EFCAB11: variants seen among roughly 807,000 people sequenced by gnomAD.
EFCAB11 encodes EF-hand calcium binding domain 11.
Under a neutral mutation model 23.0 loss-of-function variants are expected in EFCAB11, and 14 were observed. That is an observed-to-expected ratio of 0.61 (90% confidence interval 0.40 to 0.95). EFCAB11 has a LOEUF of 0.95. Ranked by LOEUF, EFCAB11 falls within the 40% of genes least tolerant of loss-of-function variation. The pLI, the probability that EFCAB11 is intolerant of heterozygous loss-of-function variation, is 0.00. For missense variants in EFCAB11, 198 were observed against 195.8 expected, an observed-to-expected ratio of 1.01 and a Z score of -0.07; for synonymous variants, 65 against 66.6, an observed-to-expected ratio of 0.98 and a Z score of 0.11.
At chr14:89,914,821 A>T (rs1034304307) in intron 5 of EFCAB11, among the ~76,000 whole-genome samples, 6 of 152,058 alleles carry the variant, frequency 3.9e-5, no homozygotes, top group African/African-American at 1.4e-4. Context: ...ACAGTTATGA[A>T]ATATGTAGGG....
At chr14:89,887,473 A>G (rs570871470) in intron 5 of EFCAB11, among the ~76,000 whole-genome samples, 1 of 152,348 alleles carries the variant, frequency 6.6e-6, no homozygotes, top group African/African-American at 2.4e-5. Context: ...TTAAAAAGTA[A>G]AACTAGAAAT....
At chr14:89,878,561 T>C (rs1017933733) in intron 5 of EFCAB11, among the ~76,000 whole-genome samples, 8 of 152,212 alleles carry the variant, frequency 5.3e-5, no homozygotes, top group African/African-American at 1.9e-4. Flanking sequence ...ATTTGTTTTA[T>C]CATACTGTAT....
At chr14:89,798,641 A>G (rs1213964961) in intron 5 of EFCAB11, among the ~76,000 whole-genome samples, 2 of 152,228 alleles carry the variant, frequency 1.3e-5, no homozygotes, top group African/African-American at 4.8e-5. Flanking sequence ...TGAATAACCT[A>G]GAAAAATAAT....
At position 89,796,342 on chromosome 14, in the gene EFCAB11, T is replaced by G. The variant is rs1297413408; in HGVS notation, c.*901A>C. ...TTTTTTTAGAGACAGGGTCTTGCTC[T>G]ATCATCCAGGCTGGAGTGCGACAGT... On this transcript the variant is annotated 3_prime_UTR_variant, in exon 6 of 6. Coordinates refer to ENST00000316738, the MANE Select transcript of EFCAB11 (RefSeq NM_145231.4). The G allele has an allele frequency of 1.3e-5, 2 of 152,254 alleles. No homozygotes were observed. The highest frequency in any genetic ancestry group is 2.9e-5 in the Non-Finnish European group (2 of 68,068). 9.4% of individuals were successfully genotyped at this position (152,254 alleles called of 1,614,324 possible). A position where few individuals can be genotyped will look rare whatever the true frequency, so the allele number is the denominator to read the frequency against.
In EFCAB11 at chr14:89,917,279, C is replaced by T. The variant is rs1889881882; in HGVS notation, c.410+14262G>A. ...CCACTTCCCAGCCCCTGGCAACTACCATTCCACTCTTTTTCTCCAAGTTTG... is the reference window on the plus strand; with the variant it reads ...CCACTTCCCAGCCCCTGGCAACTACTATTCCACTCTTTTTCTCCAAGTTTG... On this transcript the variant is annotated intron_variant, in intron 5 of 5. Coordinates refer to ENST00000316738, the MANE Select transcript of EFCAB11 (RefSeq NM_145231.4). Among the ~76,000 whole-genome samples, 3 of 152,158 alleles carry T rather than the reference C, an allele frequency of 2.0e-5. No homozygotes were observed. In the South Asian group the frequency reaches 6.2e-4, roughly 32 times the overall value.
At chr14:89,933,286 G>A (rs575163016) in intron 3 of EFCAB11, among the ~76,000 whole-genome samples, 8 of 152,282 alleles carry the variant, frequency 5.3e-5, no homozygotes, top group East Asian at 3.9e-4. Flanking sequence ...CTATTAAAAC[G>A]AATTCTAATG....
intron 3 of EFCAB11, among the ~76,000 whole-genome samples, chr14:89,946,589 A>C (rs2139840206): frequency 6.6e-6 from 1 of 151,946 alleles, no homozygotes; most frequent in East Asian, 1.9e-4. Context: ...TAAGTTTTTT[A>C]AGAGATGAGG....
At chr14:89,945,021 C>G (rs978696443) in intron 3 of EFCAB11, among the ~76,000 whole-genome samples, 8 of 137,140 alleles carry the variant, frequency 5.8e-5, no homozygotes, top group Non-Finnish European at 1.3e-4. Flanking sequence ...AATAATAAAT[C>G]TAATAAAATA....
In EFCAB11 at chr14:89,924,697, G is replaced by T; in HGVS notation, c.410+6844C>A. On this transcript the variant is annotated intron_variant, in intron 5 of 5. Transcript: ENST00000316738. Reference sequence around the variant, plus strand: ...ATGCCTCTGAAATAAAGCAAAAAGAGACCACCAGAGATTAATTCATGAAAA... The same window carrying T: ...ATGCCTCTGAAATAAAGCAAAAAGATACCACCAGAGATTAATTCATGAAAA... 3 of 1,535,432 alleles carry T rather than the reference G, an allele frequency of 2.0e-6. No homozygotes were observed. In the South Asian group the frequency reaches 3.6e-5, roughly 18 times the overall value.
At chr14:89,848,316 C>T (rs1887497247) in intron 5 of EFCAB11, 1 of 152,102 alleles carries the variant, frequency 6.6e-6, no homozygotes, top group African/African-American at 2.4e-5. Context: ...TGTTCAATTC[C>T]CAAGCCAAAA....
chr14:89,897,528 C>T (rs986004883), intron 5 of EFCAB11, among the ~76,000 whole-genome samples: 1 of 151,956 alleles, frequency 6.6e-6, no homozygotes, highest in Non-Finnish European at 1.5e-5. Flanking sequence ...TTTTAAAGCA[C>T]GGGAATAATA....
At chr14:89,862,977 T>C (rs1250519099) in intron 5 of EFCAB11, among the ~76,000 whole-genome samples, 1 of 152,190 alleles carries the variant, frequency 6.6e-6, no homozygotes, top group East Asian at 1.9e-4. Flanking sequence ...ATATGTGAAA[T>C]GTTTCCATAC....
chr14:89,860,777 A>C (rs1887897622), intron 5 of EFCAB11, among the ~76,000 whole-genome samples: 1 of 152,196 alleles, frequency 6.6e-6, no homozygotes, highest in Non-Finnish European at 1.5e-5. Context: ...CAGTGTGAAA[A>C]CAGGTACATT....
At chr14:89,817,792 G>A (rs1015627225) in intron 5 of EFCAB11, among the ~76,000 whole-genome samples, 8 of 152,042 alleles carry the variant, frequency 5.3e-5, no homozygotes, top group Non-Finnish European at 1.2e-4. Flanking sequence ...TCAGGAATTC[G>A]AGACCAGCCT....
chr14:89,846,010 C>A (rs916477940), intron 5 of EFCAB11, among the ~76,000 whole-genome samples: 1 of 152,188 alleles, frequency 6.6e-6, no homozygotes, highest in African/African-American at 2.4e-5. Context: ...CCATCATTTA[C>A]AAGCTGAGTG....
At chr14:89,845,834 C>T (rs1430064989) in intron 5 of EFCAB11, among the ~76,000 whole-genome samples, 3 of 152,288 alleles carry the variant, frequency 2.0e-5, no homozygotes, top group Non-Finnish European at 4.4e-5. Context: ...AGTGGTGCGT[C>T]TCTGGACAGG....
At chr14:89,805,209 C>T (rs1421025490) in intron 5 of EFCAB11, among the ~76,000 whole-genome samples, 1 of 152,232 alleles carries the variant, frequency 6.6e-6, no homozygotes, top group African/African-American at 2.4e-5. Flanking sequence ...TTCCATCTTA[C>T]CTGCTCTGTG....
chr14:89,804,115 A>C (rs747397664), intron 5 of EFCAB11, among the ~76,000 whole-genome samples: 2 of 152,232 alleles, frequency 1.3e-5, no homozygotes, highest in Non-Finnish European at 2.9e-5. Flanking sequence ...CACCCGAGCC[A>C]GTAGCAGTAT....
In EFCAB11 at chr14:89,822,576, A is replaced by C. The variant is rs114222213; in HGVS notation, c.411-25252T>G. Among the ~76,000 whole-genome samples the C allele has an allele frequency of 1.3e-3, 200 of 152,296 alleles. 1 individual carries two copies. Among genetic ancestry groups the C allele is most frequent in the African/African-American group, 4.4e-3 (184 of 41,562 alleles). On this transcript the variant is annotated intron_variant, in intron 5 of 5. Coordinates refer to ENST00000316738, the MANE Select transcript of EFCAB11 (RefSeq NM_145231.4). ...GAGTACAAGAGAAGGAGCTGTGCAG[A>C]AAAAAAGCTCCAGAAATTGGCCTCG...
Sources: gnomAD v4.1 joint callset for allele counts (sites outside exome capture counted in the v4.1 genomes callset) on GRCh38, gnomAD v4.1.1 for gene constraint, MANE v1.5 for transcripts, NCBI Gene and HGNC (gene_info 2026-07-23, HGNC 2026-07-21) for gene names.